The following EXOC6 variants were observed in gnomAD, a reference collection of about 807,000 sequenced individuals.
The protein encoded by EXOC6 is exocyst complex component 6, also known as SEC15-like 1.
Under a neutral mutation model 112.5 loss-of-function variants are expected in EXOC6, and 60 were observed. The observed-to-expected ratio is 0.53, with a 90% confidence interval of 0.43 to 0.66. The LOEUF (loss-of-function observed/expected upper bound fraction) is 0.66, where lower values mean the gene tolerates loss of function less well. EXOC6 is among the 30% of genes least tolerant of loss of function. The pLI, the probability that EXOC6 is intolerant of heterozygous loss-of-function variation, is 0.00. For missense variants in EXOC6, 855 were observed against 957.1 expected, an observed-to-expected ratio of 0.89 and a Z score of 1.41; for synonymous variants, 295 against 308.0, an observed-to-expected ratio of 0.96 and a Z score of 0.44.
intron 1 of EXOC6, among the ~76,000 whole-genome samples, chr10:92,879,217 C>G (rs1447444318): frequency 6.6e-6 from 1 of 152,164 alleles, no homozygotes. Context: ...TGTGGTTGTT[C>G]ACACCTGTAA....
At chr10:92,992,183 G>A (rs1442823403) in intron 18 of EXOC6, among the ~76,000 whole-genome samples, 2 of 151,330 alleles carry the variant, frequency 1.3e-5, no homozygotes, top group African/African-American at 4.9e-5. Flanking sequence ...CAGCTACTTG[G>A]GAGGCTGAGG....
intron 18 of EXOC6, 47 bp downstream of exon 18, chr10:92,974,279 G>T (rs1247205840): frequency 4.6e-6 from 6 of 1,311,716 alleles, no homozygotes; most frequent in African/African-American, 4.6e-5. Flanking sequence ...GCTTACTAAA[G>T]TATATTTTAG....
In EXOC6 at chr10:93,034,136, C is replaced by T. The variant is rs141344156; in HGVS notation, c.2169+19869C>T. Among the ~76,000 whole-genome samples, 1,103 of 152,232 alleles carry T rather than the reference C, an allele frequency of 7.2e-3. 5 individuals are homozygous for T. Among genetic ancestry groups the T allele is most frequent in the Middle Eastern group, 0.024 (7 of 294 alleles). On this transcript the variant is annotated intron_variant, in intron 20 of 21. Coordinates refer to ENST00000260762, the MANE Select transcript of EXOC6 (RefSeq NM_019053.6). Reference sequence around the variant, plus strand: ...GTTTACTTCTGGGAGAGAGCTTTTACCTGGCATGCTTAATCTTGATTGCTA... The same window carrying T: ...GTTTACTTCTGGGAGAGAGCTTTTATCTGGCATGCTTAATCTTGATTGCTA...
chr10:92,871,377 C>T (rs1252455449), intron 1 of EXOC6, among the ~76,000 whole-genome samples: 1 of 149,950 alleles, frequency 6.7e-6, no homozygotes, highest in Non-Finnish European at 1.5e-5. Context: ...AAACAAAAAC[C>T]AGATTAGCTG....
At chr10:92,954,092 G>C (rs985123457) in intron 15 of EXOC6, among the ~76,000 whole-genome samples, 1 of 152,054 alleles carries the variant, frequency 6.6e-6, no homozygotes, top group Non-Finnish European at 1.5e-5. Flanking sequence ...ACCAGCCTGG[G>C]CAACATAGTG....
chr10:92,959,083 A>G (rs1028181711), intron 17 of EXOC6, among the ~76,000 whole-genome samples: 2 of 152,020 alleles, frequency 1.3e-5, no homozygotes, highest in Non-Finnish European at 2.9e-5. Context: ...GTAGAGTGAA[A>G]CTCCGTCTCA....
intron 20 of EXOC6, among the ~76,000 whole-genome samples, chr10:93,024,082 T>C (rs986284356): frequency 2.0e-5 from 3 of 152,238 alleles, no homozygotes; most frequent in Non-Finnish European, 4.4e-5. Flanking sequence ...GCTTCACTAA[T>C]ACTATACTAA....
chr10:92,873,409 C>T (rs1848541898), intron 1 of EXOC6, among the ~76,000 whole-genome samples: 2 of 152,148 alleles, frequency 1.3e-5, no homozygotes, highest in Non-Finnish European at 2.9e-5. Context: ...TGCGTGGAAA[C>T]AGGATACTAT....
chr10:93,054,949 A>G (rs574403029), intron 20 of EXOC6, among the ~76,000 whole-genome samples: 2,280 of 110,756 alleles, frequency 0.021, 31 homozygotes, highest in Non-Finnish European at 0.041. Context: ...GAGTATTACA[A>G]AAATAAAGAA....
intron 12 of EXOC6, among the ~76,000 whole-genome samples, chr10:92,937,321 A>C (rs4933756): frequency 1.3e-5 from 2 of 151,980 alleles, no homozygotes; most frequent in Admixed American, 1.3e-4. Context: ...ATTTATACCC[A>C]TAAGTTCCCA....
intron 18 of EXOC6, among the ~76,000 whole-genome samples, chr10:92,975,098 C>T (rs1004398712): frequency 6.6e-6 from 1 of 151,222 alleles, no homozygotes; most frequent in African/African-American, 2.4e-5. Context: ...TCTGCCCGGC[C>T]ACCATCCCAT....
At chr10:92,978,789 G>A (rs912044276) in intron 18 of EXOC6, among the ~76,000 whole-genome samples, 6 of 152,172 alleles carry the variant, frequency 3.9e-5, no homozygotes, top group Admixed American at 2.6e-4. Flanking sequence ...CCTCAAAGAA[G>A]CTTCAGACGA....
intron 1 of EXOC6, among the ~76,000 whole-genome samples, chr10:92,854,884 T>C (rs968263777): frequency 6.6e-6 from 1 of 152,106 alleles, no homozygotes; most frequent in Non-Finnish European, 1.5e-5. Context: ...GCTCTCTCAA[T>C]TGAGATGAGT....
At chr10:93,014,397 T>A in intron 20 of EXOC6, 130 bp downstream of exon 20, 1 of 688,808 alleles carries the variant, frequency 1.5e-6, no homozygotes. Flanking sequence ...AAATCCTTCC[T>A]TGGTAACTAT....
intron 18 of EXOC6, among the ~76,000 whole-genome samples, chr10:92,983,454 T>C (rs1842895132): frequency 6.6e-6 from 1 of 152,052 alleles, no homozygotes; most frequent in East Asian, 1.9e-4. Flanking sequence ...TTTTAAAGTA[T>C]TGATTGTTAC....
intron 20 of EXOC6, among the ~76,000 whole-genome samples, chr10:93,040,313 A>T (rs561623694): frequency 3.7e-4 from 57 of 152,124 alleles, no homozygotes; most frequent in Admixed American, 3.2e-3. Context: ...CAGTGGCGTG[A>T]TCTCGGCTCA....
upstream of EXOC6, among the ~76,000 whole-genome samples, chr10:92,845,428 C>T (rs192344926): frequency 6.6e-6 from 1 of 151,782 alleles, no homozygotes; most frequent in East Asian, 2.0e-4. Context: ...TGACATGTAC[C>T]TGTAATCCCA....
intron 18 of EXOC6, among the ~76,000 whole-genome samples, chr10:92,974,811 G>A (rs937338856): frequency 8.5e-5 from 13 of 152,130 alleles, no homozygotes; most frequent in Non-Finnish European, 1.9e-4. Flanking sequence ...CGAGTGATCC[G>A]CCAGCCTCGG....
intron 9 of EXOC6, among the ~76,000 whole-genome samples, chr10:92,930,504 A>AAAG (rs1851967444): frequency 6.7e-6 from 1 of 149,182 alleles, no homozygotes. Context: ...ACTCTGTCTC[A>AAAG]AATAATAATA....
Sources: gnomAD v4.1 joint callset for allele counts (sites outside exome capture counted in the v4.1 genomes callset) on GRCh38, gnomAD v4.1.1 for gene constraint, MANE v1.5 for transcripts, NCBI Gene and HGNC (gene_info 2026-07-23, HGNC 2026-07-21) for gene names.